The following KRT76 variants were observed in gnomAD, a reference collection of about 807,000 sequenced individuals.
KRT76 encodes keratin, type II cytoskeletal 2 oral.
In KRT76, 47 loss-of-function variants were observed where a neutral mutation model predicts 44.9. That is an observed-to-expected ratio of 1.05 (90% CI 0.83 to 1.33). KRT76 has a LOEUF of 1.33. KRT76 is among the 40% of genes most tolerant of loss of function. The pLI, the probability that KRT76 is intolerant of heterozygous loss-of-function variation, is 0.00. For synonymous variants in KRT76, 331 were observed against 294.1 expected (o/e 1.13, Z -1.28); for missense variants, 860 against 775.8 (o/e 1.11, Z -1.29).
rs751992504 is a variant in KRT76, at chr12:52,775,523, G to A, written c.680C>T (p.Pro227Leu). The stretch of plus-strand genomic sequence containing the variant: ...TTCAAAACAAGGCTCCAGGCTGCTG[G>A]GCCCTGAGCCTGTGGTCTGCTGCTG... ...LLQQQTTGSG[P>L]SSLEPCFESY... The change falls in exon 2 of 9, where the codon CCC (proline) becomes CTC (leucine). Residue 227 changes from proline (P) to leucine (L), a missense_variant. By Grantham distance (98) the Pro-to-Leu change is moderately conservative. Transcript: ENST00000332411. The A allele has an allele frequency of 2.5e-6, 4 of 1,614,108 alleles. No homozygotes were observed. The highest frequency in any genetic ancestry group is 2.2e-5 in the South Asian group (2 of 91,068).
At chr12:52,769,248 ATGAGAG>A in intron 8 of KRT76, 138 bp from the exon 9 acceptor site, 1 of 611,264 alleles carries the variant, frequency 1.6e-6, no homozygotes, top group African/African-American at 1.9e-5. Flanking sequence ...TTTGCAAACC[ATGAGAG>A]TGAGCCTGGC....
chr12:52,772,382 AT>A, intron 4 of KRT76, 124 bp from the exon 5 acceptor site: 1 of 916,656 alleles, frequency 1.1e-6, no homozygotes, highest in Non-Finnish European at 1.6e-6. Context: ...ATAAGCTCAC[AT>A]TTTAGGCCTG....
chr12:52,768,422 A>C lies in KRT76; in HGVS notation c.*291T>G, dbSNP rs2280481. On this transcript the variant is annotated 3_prime_UTR_variant, in exon 9 of 9. Coordinates refer to ENST00000332411, the MANE Select transcript of KRT76 (RefSeq NM_015848.4). ...AAGGGAGATGGGCCAGAGTGGGAAC[A>C]GGCCAGGCTGTGAAGGCCAAAACTG... is the stretch of plus-strand genomic sequence containing the variant. 0.39 allele frequency: 138,862 copies of C among 352,822 alleles called. 29,655 individuals are homozygous for C. Among genetic ancestry groups the C allele is most frequent in the Non-Finnish European group, 0.46 (87,696 of 192,070 alleles). 21.9% of individuals were successfully genotyped at this position (352,822 alleles called of 1,614,324 possible).
chr12:52,776,118 T>C (rs1939258220), intron 1 of KRT76, among the ~76,000 whole-genome samples: 1 of 152,196 alleles, frequency 6.6e-6, no homozygotes, highest in South Asian at 2.1e-4. Flanking sequence ...GAAGACCTCC[T>C]TTCAGTTATT....
chr12:52,769,171 G>A (rs1215543179), intron 8 of KRT76, 61 bp from the exon 9 acceptor site: 2 of 643,854 alleles, frequency 3.1e-6, no homozygotes, highest in East Asian at 2.7e-5. Context: ...GCCAAGGACT[G>A]TATTACATCC....
intron 8 of KRT76, 142 bp downstream of exon 8, chr12:52,769,407 A>G: frequency 1.4e-6 from 1 of 738,830 alleles, no homozygotes; most frequent in Non-Finnish European, 2.4e-6. Flanking sequence ...GCATGTGGCC[A>G]TGGCCTGAGA....
intron 1 of KRT76, 86 bp from the exon 2 acceptor site, chr12:52,775,688 G>A: frequency 4.0e-6 from 4 of 1,012,500 alleles, no homozygotes; most frequent in Non-Finnish European, 5.9e-6. Flanking sequence ...TGTGGAGAAG[G>A]AACCCAGTTC....
Position 52,771,906 on chromosome 12 carries a change from T to C in KRT76, c.1228A>G (p.Arg410Gly). Residue 410 changes from arginine (R) to glycine (G), a missense_variant, in exon 6 of 9, where the codon AGG (arginine) becomes GGG (glycine). Physicochemically the swap from Arg to Gly is moderately radical, Grantham distance 125. Transcript: ENST00000332411. The part of the protein sequence containing the change: ...EIMELNRMIQ[R>G]LRAEIENVKK... ...ACATTTTCAATCTCAGCCCGTAGCC[T>C]CTGGATCATCCTGTTGAGCTCCATG... The C allele has an allele frequency of 1.9e-6, 3 of 1,614,152 alleles. No homozygotes were observed. The highest frequency in any genetic ancestry group is 2.5e-6 in the Non-Finnish European group (3 of 1,180,000).
chr12:52,771,317 C>T, intron 6 of KRT76, 98 bp from the exon 7 acceptor site: 1 of 1,192,186 alleles, frequency 8.4e-7, no homozygotes, highest in Non-Finnish European at 1.2e-6. Context: ...CCCTTCCTCC[C>T]TTTCCTTAGA....
chr12:52,777,130 G>T lies in KRT76; in HGVS notation c.162C>A (p.Gly54=). Residue 54 remains glycine (G), a synonymous_variant, in exon 1 of 9, where the codon GGC becomes GGA. Coordinates refer to ENST00000332411, the MANE Select transcript of KRT76 (RefSeq NM_015848.4). ...CGFRSGAGSF[G]SRSLYNLGSN... ...TGCCCAGGTTGTAGAGGCTGCGACT[G>T]CCAAAGCTGCCTGCTCCGCTCCTGA... 1 of 1,614,184 alleles carries T rather than the reference G, an allele frequency of 6.2e-7. No individual in the cohort carries two copies. Among genetic ancestry groups the T allele is most frequent in the Middle Eastern group, 1.6e-4 (1 of 6,062 alleles).
chr12:52,770,931 C>A (rs1332973846), intron 7 of KRT76, 68 bp downstream of exon 7: 1 of 1,598,072 alleles, frequency 6.3e-7, no homozygotes, highest in Non-Finnish European at 8.6e-7. Context: ...TCATCTTGCC[C>A]CCTTTCCACA....
rs1414620803 is a variant in KRT76, at chr12:52,768,375, A to C, written c.*338T>G. On this transcript the variant is annotated 3_prime_UTR_variant, in exon 9 of 9. Transcript: ENST00000332411. ...AGACAGTGCTGAGATGACTGGCTTC[A>C]AATCTCCAACTCCCAGTAAGAAAGG... 3.2e-5 allele frequency: 8 copies of C among 251,794 alleles called. No individual in the cohort carries two copies. The East Asian group carries it at 6.7e-4, about 21-fold the overall frequency. 15.6% of individuals were successfully genotyped at this position (251,794 alleles called of 1,614,324 possible).
intron 7 of KRT76, among the ~76,000 whole-genome samples, chr12:52,770,454 A>G (rs973463950): frequency 6.6e-6 from 1 of 152,206 alleles, no homozygotes; most frequent in Non-Finnish European, 1.5e-5. Context: ...ATTTTCCAAG[A>G]GCATGGATGT....
Position 52,771,178 on chromosome 12 carries a change from A to C in KRT76, c.1305T>G (p.Arg435=). 6.2e-7 allele frequency: 1 copy of C among 1,614,130 alleles called. No individual in the cohort carries two copies. Among genetic ancestry groups the C allele is most frequent in the Non-Finnish European group, 8.5e-7 (1 of 1,180,022 alleles). Residue 435 remains arginine, a synonymous_variant, in exon 7 of 9, where the codon CGT becomes CGG. Transcript: ENST00000332411. ...LQTAIAEAEQ[R]GEMALKDANA... ...TGGCGTCCTTGAGGGCCATCTCTCC[A>C]CGCTGCTCAGCCTCTGCAATTGCCG... is the stretch of plus-strand genomic sequence containing the variant.
In KRT76 at chr12:52,768,484, C is replaced by A. The variant is rs1939124578; in HGVS notation, c.*229G>T. 2 of 502,532 alleles carry A rather than the reference C, an allele frequency of 4.0e-6. No homozygotes were observed. Among genetic ancestry groups the A allele is most frequent in the Non-Finnish European group, 7.0e-6 (2 of 285,956 alleles). 31.1% of individuals were successfully genotyped at this position (502,532 alleles called of 1,614,324 possible). ...GGGGTTGCTGTCCAAAGTAAGGGGC[C>A]ATTGCAGGAAGGTTTCCAGGGGCAT... On this transcript the variant is annotated 3_prime_UTR_variant, in exon 9 of 9. Coordinates refer to ENST00000332411, the MANE Select transcript of KRT76 (RefSeq NM_015848.4).
chr12:52,771,929 A>C lies in KRT76; in HGVS notation c.1205T>G (p.Met402Arg). Residue 402 changes from methionine (M) to arginine (R), a missense_variant, in exon 6 of 9, where the codon ATG becomes AGG. Physicochemically the swap from Met to Arg is moderately conservative, Grantham distance 91. Coordinates refer to ENST00000332411, the MANE Select transcript of KRT76 (RefSeq NM_015848.4). ...DDLRNTKSEI[M>R]ELNRMIQRLR... ...CCTCTGGATCATCCTGTTGAGCTCC[A>C]TGATCTCACTCTTGGTGTTCCTCAG... The C allele has an allele frequency of 6.2e-7, 1 of 1,614,140 alleles. No individual in the cohort carries two copies. The highest frequency in any genetic ancestry group is 8.5e-7 in the Non-Finnish European group (1 of 1,180,008).
chr12:52,776,897 C>G lies in KRT76; in HGVS notation c.395G>C (p.Gly132Ala), dbSNP rs760049315. Residue 132 changes from glycine (G) to alanine (A), a missense_variant, in exon 1 of 9, where the codon GGT becomes GCT. Gly to Ala is a moderately conservative substitution (Grantham distance 60, BLOSUM62 0). Coordinates refer to ENST00000332411, the MANE Select transcript of KRT76 (RefSeq NM_015848.4). ...FGGAGGFGGPGVFGGPGSFGG... is the reference protein window; with the variant it reads ...FGGAGGFGGPAVFGGPGSFGG... ...AAAGCTGCCAGGCCCACCAAATACA[C>G]CAGGACCACCAAAGCCACCAGCTCC... is the stretch of plus-strand genomic sequence containing the variant. 1 of 1,612,368 alleles carries G rather than the reference C, an allele frequency of 6.2e-7. No individual in the cohort carries two copies. Among genetic ancestry groups the G allele is most frequent in the Non-Finnish European group, 8.5e-7 (1 of 1,179,034 alleles).
intron 1 of KRT76, among the ~76,000 whole-genome samples, chr12:52,776,217 G>T (rs1371676395): frequency 6.6e-6 from 1 of 152,186 alleles, no homozygotes; most frequent in Non-Finnish European, 1.5e-5. Flanking sequence ...AGCATGGACA[G>T]CTCAGTTTAA....
chr12:52,771,840 T>C (rs761768214), intron 6 of KRT76, 31 bp downstream of exon 6: 2 of 1,606,486 alleles, frequency 1.2e-6, no homozygotes, highest in South Asian at 2.2e-5. Context: ...CCAGAAGACC[T>C]CTGGGATCTC....
Sources: gnomAD v4.1 joint callset for allele counts (sites outside exome capture counted in the v4.1 genomes callset) on GRCh38, gnomAD v4.1.1 for gene constraint, MANE v1.5 for transcripts, NCBI Gene and HGNC (gene_info 2026-07-23, HGNC 2026-07-21) for gene names.